KDM4C: variants seen among roughly 807,000 people sequenced by gnomAD.
KDM4C encodes lysine demethylase 4C, also known as lysine-specific demethylase 4C.
KDM4C carries 81 observed loss-of-function variants against 129.3 expected under a neutral mutation model. The observed-to-expected ratio is 0.63, with a 90% CI of 0.52 to 0.75. The LOEUF (loss-of-function observed/expected upper bound fraction) is 0.75. Ranked by LOEUF, KDM4C falls within the 30% of genes least tolerant of loss-of-function variation. The pLI is 0.00. For synonymous variants in KDM4C, 573 were observed against 456.1 expected, an observed-to-expected ratio of 1.26 and a Z score of -3.26; for missense variants, 1,457 against 1,304.0, an observed-to-expected ratio of 1.12 and a Z score of -1.81.
At chr9:6,911,703 C>G (rs1819343168) in intron 8 of KDM4C, among the ~76,000 whole-genome samples, 1 of 152,088 alleles carries the variant, frequency 6.6e-6, no homozygotes, top group South Asian at 2.1e-4. Context: ...TATCTAAAAA[C>G]TTAATTAAAT....
upstream of KDM4C, among the ~76,000 whole-genome samples, chr9:6,754,156 G>A (rs954126398): frequency 6.6e-5 from 10 of 151,340 alleles, no homozygotes; most frequent in African/African-American, 2.4e-4. Context: ...GATTATAGGC[G>A]TGAGCTACCG....
At chr9:7,132,558 G>A (rs527710909) in intron 19 of KDM4C, among the ~76,000 whole-genome samples, 27 of 152,236 alleles carry the variant, frequency 1.8e-4, no homozygotes, top group Non-Finnish European at 3.2e-4. Flanking sequence ...AGCTGTCAAG[G>A]GAAGTAATAA....
At chr9:6,939,780 C>T (rs967199150) in intron 8 of KDM4C, among the ~76,000 whole-genome samples, 44 of 152,186 alleles carry the variant, frequency 2.9e-4, no homozygotes, top group African/African-American at 1.0e-3. Flanking sequence ...AAGATTATCA[C>T]GTGGGTGGTC....
chr9:6,945,498 G>A (rs983335511), intron 8 of KDM4C, among the ~76,000 whole-genome samples: 3 of 152,156 alleles, frequency 2.0e-5, no homozygotes, highest in Admixed American at 6.5e-5. Context: ...TAGGGAGAAA[G>A]TGTTGTAAGC....
intron 4 of KDM4C, among the ~76,000 whole-genome samples, chr9:6,833,608 G>T (rs2131340264): frequency 6.6e-6 from 1 of 152,320 alleles, no homozygotes; most frequent in East Asian, 1.9e-4. Flanking sequence ...ATAAAACAGT[G>T]TTGATAATAG....
chr9:6,828,304 C>T (rs755846341), intron 4 of KDM4C, among the ~76,000 whole-genome samples: 6 of 152,014 alleles, frequency 3.9e-5, no homozygotes, highest in Non-Finnish European at 8.8e-5. Context: ...CCCACCACAA[C>T]GCCCGGCTAA....
chr9:6,813,688 A>G (rs1831571971), intron 3 of KDM4C, among the ~76,000 whole-genome samples: 1 of 152,170 alleles, frequency 6.6e-6, no homozygotes, highest in Admixed American at 6.5e-5. Context: ...TTATTGTTCA[A>G]ATTCCTAATA....
intron 4 of KDM4C, 91 bp downstream of exon 4, chr9:6,814,836 T>C: frequency 1.5e-6 from 1 of 666,894 alleles, no homozygotes; most frequent in Non-Finnish European, 2.5e-6. Flanking sequence ...TCTTTTGTTG[T>C]GCTTTTGGGT....
chr9:6,997,170 T>C (rs527370603), intron 12 of KDM4C, among the ~76,000 whole-genome samples: 33 of 152,094 alleles, frequency 2.2e-4, no homozygotes, highest in African/African-American at 7.2e-4. Flanking sequence ...AATGACTGTT[T>C]GTTGTTGCTG....
At chr9:6,940,077 CTCTT>C (rs1207244519) in intron 8 of KDM4C, among the ~76,000 whole-genome samples, 6 of 125,768 alleles carry the variant, frequency 4.8e-5, no homozygotes, top group African/African-American at 1.4e-4. Context: ...TTCTCTCTCT[CTCTT>C]TCTTTCCTTC....
At chr9:6,896,403 A>G (rs999529728) in intron 8 of KDM4C, among the ~76,000 whole-genome samples, 1 of 152,042 alleles carries the variant, frequency 6.6e-6, no homozygotes, top group Non-Finnish European at 1.5e-5. Flanking sequence ...GCATTAAATA[A>G]GCAAAATAGT....
chr9:6,782,745 G>C (rs970816856), intron 1 of KDM4C, among the ~76,000 whole-genome samples: 1 of 152,140 alleles, frequency 6.6e-6, no homozygotes, highest in Non-Finnish European at 1.5e-5. Context: ...AGCTATTGAA[G>C]GGTTTAAAAG....
intron 15 of KDM4C, among the ~76,000 whole-genome samples, chr9:7,044,774 G>A (rs1829148063): frequency 6.6e-6 from 1 of 151,962 alleles, no homozygotes; most frequent in African/African-American, 2.4e-5. Context: ...TCAGGGTAGT[G>A]GATCAGATGC....
chr9:7,031,134 A>ATTTG (rs1826662614), intron 15 of KDM4C, among the ~76,000 whole-genome samples: 2 of 72,102 alleles, frequency 2.8e-5, no homozygotes, highest in Non-Finnish European at 5.5e-5. Context: ...TTACTTGTTT[A>ATTTG]TTTATTTATT....
Position 6,925,171 on chromosome 9 carries a change from G to A in KDM4C, c.921+31939G>A, listed in dbSNP as rs564557549. The A allele has an allele frequency of 1.6e-5, 16 of 985,310 alleles. No homozygotes were observed. The South Asian group carries it at 5.6e-4, about 35-fold the overall frequency. The allele number at this position is 985,310 out of a possible 1,614,324, so 61.0% of individuals were successfully genotyped here. A position where few individuals can be genotyped will look rare whatever the true frequency, so the allele number is the denominator to read the frequency against. On this transcript the variant is annotated intron_variant, in intron 8 of 21. Transcript: ENST00000381309. ...TGCCTCACTGGAAGTCCTTATCATC[G>A]TGCGTAAACATCCAGGGCTGTCACT...
chr9:6,737,949 G>A (rs954313530), intron 1 of KDM4C, among the ~76,000 whole-genome samples: 8 of 148,532 alleles, frequency 5.4e-5, no homozygotes, highest in Non-Finnish European at 8.9e-5. Context: ...CCTGGCTAAC[G>A]TGGCAAAACC....
intron 8 of KDM4C, among the ~76,000 whole-genome samples, chr9:6,970,918 C>T (rs577019672): frequency 7.9e-5 from 12 of 151,896 alleles, no homozygotes; most frequent in Admixed American, 1.3e-4. Context: ...ATCATTCCCT[C>T]GGCTCTACCG....
chr9:6,770,604 A>G (rs1821574694), intron 1 of KDM4C, among the ~76,000 whole-genome samples: 1 of 151,982 alleles, frequency 6.6e-6, no homozygotes, highest in Non-Finnish European at 1.5e-5. Context: ...GTAGTTAACA[A>G]AAAATGTGCA....
At chr9:6,856,639 G>A (rs1393639108) in intron 5 of KDM4C, among the ~76,000 whole-genome samples, 2 of 150,370 alleles carry the variant, frequency 1.3e-5, no homozygotes, top group African/African-American at 2.4e-5. Flanking sequence ...GTGTTGCGAT[G>A]ATGGCTAACT....
Sources: allele counts gnomAD v4.1 joint callset (sites outside exome capture counted in the v4.1 genomes callset), GRCh38; gene constraint gnomAD v4.1.1; transcripts MANE v1.5; gene names NCBI Gene and HGNC (gene_info 2026-07-23, HGNC 2026-07-21).